The following ABCC10 variants were observed in gnomAD, a reference collection of about 807,000 sequenced individuals.
The protein encoded by ABCC10 is ATP-binding cassette sub-family C member 10.
ABCC10 carries 110 observed loss-of-function variants against 143.2 expected under a neutral mutation model. That is an observed-to-expected ratio of 0.77 (90% CI 0.66 to 0.90). The LOEUF (loss-of-function observed/expected upper bound fraction) is 0.90, where lower values mean the gene tolerates loss of function less well. Among genes scored for constraint, ABCC10 ranks in the 40% least tolerant of loss-of-function variants. The probability of loss-of-function intolerance (pLI) is 0.00; values close to 1 mark genes in which losing one functional copy is unlikely to be tolerated. For missense variants in ABCC10, 1,700 were observed against 1,900.5 expected, an observed-to-expected ratio of 0.89 and a Z score of 1.96; for synonymous variants, 805 against 846.7, an observed-to-expected ratio of 0.95 and a Z score of 0.85.
intron 2 of ABCC10, among the ~76,000 whole-genome samples, chr6:43,428,773 G>A (rs1221376445): frequency 6.6e-6 from 1 of 152,192 alleles, no homozygotes; most frequent in Non-Finnish European, 1.5e-5. Flanking sequence ...GGAGGACGGT[G>A]TGGTCTCTGC....
Position 43,445,106 on chromosome 6 carries a change from C to A in ABCC10, c.2841-19C>A. 2 of 1,612,702 alleles carry A rather than the reference C, an allele frequency of 1.2e-6. No homozygotes were observed. Among genetic ancestry groups the A allele is most frequent in the East Asian group, 2.2e-5 (1 of 44,860 alleles). On this transcript the variant is annotated intron_variant, in intron 13 of 21. Coordinates refer to ENST00000372530, the MANE Select transcript of ABCC10 (RefSeq NM_001198934.2). The stretch of plus-strand genomic sequence containing the variant: ...TGGCCCTAGTTTTGGTTACCGACAG[C>A]CCCCTCCTCACCACCCAGCATCCCA...
Position 43,436,193 on chromosome 6 carries a change from G to C in ABCC10, c.1821G>C (p.Trp607Cys), listed in dbSNP as rs1781692525. 6.2e-7 allele frequency: 1 copy of C among 1,614,036 alleles called. No homozygotes were observed. Among genetic ancestry groups the C allele is most frequent in the Admixed American group, 1.7e-5 (1 of 60,002 alleles). ...VLELHGALFS[W>C]DPVGTSLETF... is the part of the protein sequence containing the mutation. The stretch of plus-strand genomic sequence containing the variant: ...AGCTGCATGGAGCCTTGTTCTCCTG[G>C]GACCCAGTTGGAACCAGCCTGGAGA... The change falls in exon 6 of 22, where the codon TGG becomes TGC. Residue 607 changes from tryptophan (W) to cysteine (C), a missense_variant. By Grantham distance (215) the Trp-to-Cys change is radical. Transcript: ENST00000372530.
chr6:43,448,707 G>A (rs538006972), intron 18 of ABCC10, among the ~76,000 whole-genome samples, 174 bp from the exon 19 acceptor site: 3 of 152,224 alleles, frequency 2.0e-5, no homozygotes, highest in Non-Finnish European at 4.4e-5. Flanking sequence ...ACAGTTCTAG[G>A]TACCCAGCTA....
chr6:43,438,514 G>GA, intron 7 of ABCC10, 110 bp from the exon 8 acceptor site: 1 of 1,483,120 alleles, frequency 6.7e-7, no homozygotes. Flanking sequence ...CATGAAGGGG[G>GA]ACCCTGTGTA....
In ABCC10 at chr6:43,438,643, G is replaced by T. The variant is rs781635480; in HGVS notation, c.1975G>T (p.Val659Leu). The T allele has an allele frequency of 4.3e-6, 7 of 1,613,984 alleles. No individual in the cohort carries two copies. The South Asian group carries it at 5.5e-5, about 13-fold the overall frequency. The change falls in exon 8 of 22, where the codon GTG becomes TTG. Residue 659 changes from valine to leucine, a missense_variant. Val to Leu is a conservative substitution (Grantham distance 32). Transcript: ENST00000372530. ...ELHRLRGHVA[V>L]RGLSKGFGLA... ...CTGCAGGCTGCGTGGGCATGTGGCA[G>T]TGCGGGGGCTGTCCAAGGGCTTTGG...
In ABCC10 at chr6:43,443,119, C is replaced by T. The variant is rs370618222; in HGVS notation, c.2376C>T (p.Asp792=). The T allele has an allele frequency of 6.9e-5, 111 of 1,609,492 alleles. No individual in the cohort carries two copies. Among genetic ancestry groups the T allele is most frequent in the South Asian group, 3.5e-4 (32 of 90,894 alleles). ...THRTEYLERA[D]AVLLMEAGRL... Reference sequence around the variant, plus strand: ...GCACTGAGTACCTGGAGAGGGCTGACGCGGTGCTGCTGATGGAGGCCGGGC... The same window carrying T: ...GCACTGAGTACCTGGAGAGGGCTGATGCGGTGCTGCTGATGGAGGCCGGGC... The change falls in exon 10 of 22, where the codon GAC becomes GAT. Residue 792 remains aspartate (D), a synonymous_variant. Transcript: ENST00000372530. The surrounding 1 kb of genome is among the most constrained non-coding windows in gnomAD (Gnocchi z 4.2).
At chr6:43,445,524 C>A in intron 14 of ABCC10, 75 bp from the exon 15 acceptor site, 2 of 1,484,894 alleles carry the variant, frequency 1.3e-6, no homozygotes, top group Non-Finnish European at 1.9e-6. Flanking sequence ...CCCTCCACCC[C>A]ACCTCCCCCA....
At chr6:43,439,770 A>G (rs1056704864) in intron 8 of ABCC10, among the ~76,000 whole-genome samples, 4 of 151,304 alleles carry the variant, frequency 2.6e-5, no homozygotes, top group African/African-American at 4.9e-5. Context: ...TTCTAGTAGA[A>G]ACAGGGTTTC....
Position 43,445,227 on chromosome 6 carries a change from C to T in ABCC10, c.2943C>T (p.Cys981=), listed in dbSNP as rs1782911957. 8 of 1,614,118 alleles carry T rather than the reference C, an allele frequency of 5.0e-6. No homozygotes were observed. The highest frequency in any genetic ancestry group is 1.1e-5 in the South Asian group (1 of 91,078). The change falls in exon 14 of 22, where the codon TGC becomes TGT. Residue 981 remains cysteine (C), a synonymous_variant. Coordinates refer to ENST00000372530, the MANE Select transcript of ABCC10 (RefSeq NM_001198934.2). ...CCATTGCTGGTGTAAATTCCCTCTG[C>T]ACCCTTCTCCGGGCAGTGCTCTTTG... The part of the protein sequence containing the change: ...YATIAGVNSL[C]TLLRAVLFAA...
intron 3 of ABCC10, among the ~76,000 whole-genome samples, chr6:43,433,683 G>A (rs889931171): frequency 1.3e-5 from 2 of 152,168 alleles, no homozygotes; most frequent in African/African-American, 4.8e-5. Context: ...AATACATGTG[G>A]CCACCCTGGG....
chr6:43,433,165 T>C lies in ABCC10; in HGVS notation c.1185T>C (p.Ala395=), dbSNP rs1380957361. The part of the protein sequence containing the change: ...GTDSERLLNF[A]GSFHEAWGLP... ...ACTCTGAACGGCTGCTTAACTTTGC[T>C]GGGAGCTTCCATGAAGCCTGGGGCC... Residue 395 remains alanine (A), a synonymous_variant, in exon 3 of 22, where the codon GCT becomes GCC. Coordinates refer to ENST00000372530, the MANE Select transcript of ABCC10 (RefSeq NM_001198934.2). The C allele has an allele frequency of 1.2e-6, 2 of 1,613,968 alleles. No homozygotes were observed. Among genetic ancestry groups the C allele is most frequent in the Non-Finnish European group, 1.7e-6 (2 of 1,179,944 alleles).
In ABCC10 at chr6:43,441,305, G is replaced by A. The variant is rs189492820; in HGVS notation, c.2128-557G>A. Among the ~76,000 whole-genome samples, 35 of 151,150 alleles carry A rather than the reference G, an allele frequency of 2.3e-4. No individual in the cohort carries two copies. In the East Asian group the frequency reaches 6.9e-3, roughly 30 times the overall value. ...ATCCTGGCTAACATGGTGAAACCCC[G>A]TCTCTACTAAAAATGCAAAAATTAG... On this transcript the variant is annotated intron_variant, in intron 8 of 21. Coordinates refer to ENST00000372530, the MANE Select transcript of ABCC10 (RefSeq NM_001198934.2).
Position 43,435,684 on chromosome 6 carries a change from A to G in ABCC10, c.1609-67A>G, listed in dbSNP as rs1051755883. The G allele has an allele frequency of 1.5e-5, 23 of 1,563,654 alleles. No individual in the cohort carries two copies. In the African/African-American group the frequency reaches 2.8e-4, roughly 19 times the overall value. ...TTCTTCCCTCCGTAGACCTGTCCAC[A>G]GGGCTTCCCATAGAAACAGGCCCTT... is the stretch of plus-strand genomic sequence containing the variant. On this transcript the variant is annotated intron_variant, in intron 4 of 21. Transcript: ENST00000372530.
rs1782992381 is a variant in ABCC10 at position 43,445,792 on chromosome 6, G to C, written c.3224G>C (p.Ser1075Thr). 6.2e-7 allele frequency: 1 copy of C among 1,614,058 alleles called. No homozygotes were observed. The highest frequency in any genetic ancestry group is 2.2e-5 in the East Asian group (1 of 44,880). Residue 1075 changes from serine (S) to threonine (T), a missense_variant, in exon 15 of 22, where the codon AGC becomes ACC. Coordinates refer to ENST00000372530, the MANE Select transcript of ABCC10 (RefSeq NM_001198934.2). The part of the protein sequence containing the change: ...PWLLLLLPPL[S>T]IMYYHVQRHY... The stretch of plus-strand genomic sequence containing the variant: ...CTGCTGCTCCTGCTGCCGCCTTTGA[G>C]CATCATGTACTATCACGTGCAGCGC...
At position 43,444,142 on chromosome 6, in the gene ABCC10, A is replaced by G; in HGVS notation, c.2495-17A>G. The G allele has an allele frequency of 6.2e-7, 1 of 1,611,110 alleles. No individual in the cohort carries two copies. Among genetic ancestry groups the G allele is most frequent in the Non-Finnish European group, 8.5e-7 (1 of 1,177,908 alleles). ...ACCCTGCAAGCTTAATTCTTCCATG[A>G]CCCCTGATTCTCACAGCCACAGCCC... On this transcript the variant is annotated splice_polypyrimidine_tract_variant and intron_variant, in intron 11 of 21. Transcript: ENST00000372530.
chr6:43,428,453 G>A (rs1007623862), intron 2 of ABCC10, among the ~76,000 whole-genome samples: 17 of 152,180 alleles, frequency 1.1e-4, no homozygotes, highest in African/African-American at 3.9e-4. Context: ...CCCGGACTCA[G>A]CTGTCATGAA....
At chr6:43,446,206 T>C in intron 15 of ABCC10, 71 bp from the exon 16 acceptor site, 1 of 1,539,560 alleles carries the variant, frequency 6.5e-7, no homozygotes, top group Middle Eastern at 1.9e-4. Context: ...GGGCCTTCCC[T>C]GTTGAGGCCC....
chr6:43,446,468 C>G, intron 16 of ABCC10, 22 bp downstream of exon 16: 1 of 1,599,840 alleles, frequency 6.3e-7, no homozygotes, highest in Non-Finnish European at 8.5e-7. Flanking sequence ...GACCCCTCAC[C>G]CCTACCTCAT....
rs757562003 is a variant in ABCC10, at chr6:43,445,714, A to G, written c.3146A>G (p.Asn1049Ser). 11 of 1,614,070 alleles carry G rather than the reference A, an allele frequency of 6.8e-6. No homozygotes were observed. The Admixed American group carries it at 1.7e-4, about 24-fold the overall frequency. ...LPFILNILLA[N>S]AAGLLGLLAV... is the part of the protein sequence containing the mutation. The stretch of plus-strand genomic sequence containing the variant: ...TTCATCCTCAACATCCTCCTGGCCA[A>G]CGCGGCAGGCCTGCTGGGGCTCCTG... The change falls in exon 15 of 22, where the codon AAC becomes AGC. Residue 1049 changes from asparagine (N) to serine (S), a missense_variant. Physicochemically the swap from Asn to Ser is conservative, Grantham distance 46. Coordinates refer to ENST00000372530, the MANE Select transcript of ABCC10 (RefSeq NM_001198934.2).
Sources: gnomAD v4.1 joint callset for allele counts (sites outside exome capture counted in the v4.1 genomes callset) on GRCh38, gnomAD v4.1.1 for gene constraint, Gnocchi (gnomAD v3.1) non-coding constraint, MANE v1.5 for transcripts, NCBI Gene and HGNC (gene_info 2026-07-23, HGNC 2026-07-21) for gene names.